The following KIAA1217 variants were observed in gnomAD, a reference collection of about 807,000 sequenced individuals.
The protein encoded by KIAA1217 is KIAA1217.
KIAA1217 carries 88 observed loss-of-function variants against 163.9 expected under a neutral mutation model. The ratio of observed to expected loss-of-function variants is 0.54; its 90% confidence interval spans 0.45 to 0.64. The LOEUF (loss-of-function observed/expected upper bound fraction) is 0.64, where lower values mean the gene tolerates loss of function less well. Among genes scored for constraint, KIAA1217 ranks in the 30% least tolerant of loss-of-function variants. The pLI, the probability that KIAA1217 is intolerant of heterozygous loss-of-function variation, is 0.00. For missense variants in KIAA1217, 2,372 were observed against 2,475.0 expected, an observed-to-expected ratio of 0.96 and a Z score of 0.88; for synonymous variants, 903 against 923.1, an observed-to-expected ratio of 0.98 and a Z score of 0.39.
intron 2 of KIAA1217, among the ~76,000 whole-genome samples, chr10:24,112,372 G>A (rs1009035237): frequency 6.6e-6 from 1 of 152,126 alleles, no homozygotes; most frequent in Non-Finnish European, 1.5e-5. Flanking sequence ...TTTTATTTCT[G>A]TGCGAACAGG....
chr10:24,320,331 T>A (rs149232510), intron 2 of KIAA1217, among the ~76,000 whole-genome samples: 1 of 152,340 alleles, frequency 6.6e-6, no homozygotes, highest in South Asian at 2.1e-4. Flanking sequence ...ATCACAAATA[T>A]AACTTGTGTG....
intron 3 of KIAA1217, among the ~76,000 whole-genome samples, chr10:24,398,441 C>T (rs1564612481): frequency 1.3e-5 from 2 of 152,108 alleles, no homozygotes; most frequent in Admixed American, 6.5e-5. Context: ...TACAGGTCTG[C>T]AGCAATCTCA....
chr10:24,515,968 G>A (rs1324954220), intron 10 of KIAA1217, among the ~76,000 whole-genome samples: 1 of 152,228 alleles, frequency 6.6e-6, no homozygotes, highest in African/African-American at 2.4e-5. Context: ...CTACTCAGGA[G>A]GCTGAAGCAG....
At chr10:23,981,850 A>G (rs1263023442) in intron 1 of KIAA1217, among the ~76,000 whole-genome samples, 1 of 152,000 alleles carries the variant, frequency 6.6e-6, no homozygotes, top group Non-Finnish European at 1.5e-5. Flanking sequence ...TATCAGTAAC[A>G]TTTTCAGCTA....
intron 1 of KIAA1217, among the ~76,000 whole-genome samples, chr10:23,870,470 A>C (rs1376225770): frequency 6.6e-6 from 1 of 152,022 alleles, no homozygotes; most frequent in Non-Finnish European, 1.5e-5. Flanking sequence ...CACCAAACAC[A>C]CACACTTCAA....
At chr10:24,258,979 T>G (rs1396486670) in intron 2 of KIAA1217, among the ~76,000 whole-genome samples, 1 of 151,992 alleles carries the variant, frequency 6.6e-6, no homozygotes, top group African/African-American at 2.4e-5. Flanking sequence ...TCTTTGTCCC[T>G]CAAAGCCCAG....
intron 2 of KIAA1217, among the ~76,000 whole-genome samples, chr10:24,109,828 G>A (rs546073036): frequency 5.3e-5 from 8 of 152,306 alleles, no homozygotes; most frequent in East Asian, 1.9e-4. Context: ...CGATCAAAAC[G>A]GAAATAAAAA....
At position 23,762,006 on chromosome 10, in the gene KIAA1217, G is replaced by T. The variant is rs572120061; in HGVS notation, c.-321+66772G>T. 3.9e-5 allele frequency among the ~76,000 whole-genome samples: 6 copies of T among 152,226 alleles called. No homozygotes were observed. The East Asian group carries it at 9.7e-4, about 25-fold the overall frequency. On this transcript the variant is annotated intron_variant, in intron 1 of 18. Transcript: ENST00000376462. ...TACAAATAAACTAGAACATCTAGAA[G>T]AAATGGATAAATTCCTGGACACATA...
At chr10:24,066,349 A>G (rs577911758) in intron 2 of KIAA1217, among the ~76,000 whole-genome samples, 1 of 152,194 alleles carries the variant, frequency 6.6e-6, no homozygotes, top group South Asian at 2.1e-4. Flanking sequence ...TGGTGACAAA[A>G]TCTCTCAGCA....
intron 2 of KIAA1217, among the ~76,000 whole-genome samples, chr10:24,017,040 G>GTTTTTTTTTTTTTTT (rs35042335): frequency 1.6e-4 from 21 of 130,224 alleles, no homozygotes; most frequent in East Asian, 2.5e-4. Flanking sequence ...TAGTTTTTTT[G>GTTTTTTTTTTTTTTT]TTTTTTTTTT....
chr10:23,797,399 G>T (rs1380263444), intron 1 of KIAA1217, among the ~76,000 whole-genome samples: 1 of 152,114 alleles, frequency 6.6e-6, no homozygotes, highest in African/African-American at 2.4e-5. Context: ...CTTGCTCAAG[G>T]CCACACAGTC....
intron 2 of KIAA1217, among the ~76,000 whole-genome samples, chr10:24,236,271 G>A (rs931067258): frequency 2.0e-5 from 3 of 148,094 alleles, no homozygotes; most frequent in African/African-American, 5.0e-5. Context: ...TCTTTTTTTC[G>A]ACGGCGTTTT....
At chr10:23,970,229 C>T (rs1845258239) in intron 1 of KIAA1217, among the ~76,000 whole-genome samples, 1 of 152,092 alleles carries the variant, frequency 6.6e-6, no homozygotes, top group Non-Finnish European at 1.5e-5. Context: ...AGGTTTACTC[C>T]CAAGTATTCT....
At chr10:24,137,246 G>T (rs2063866880) in intron 2 of KIAA1217, among the ~76,000 whole-genome samples, 1 of 152,206 alleles carries the variant, frequency 6.6e-6, no homozygotes, top group Non-Finnish European at 1.5e-5. Context: ...CACTGCTGTT[G>T]GCAAGACCCA....
intron 1 of KIAA1217, among the ~76,000 whole-genome samples, chr10:23,733,021 G>T (rs1486222322): frequency 6.8e-6 from 1 of 147,822 alleles, no homozygotes; most frequent in South Asian, 2.1e-4. Flanking sequence ...GTATGTTTTT[G>T]TTTTTTTTTT....
chr10:24,298,890 G>A (rs944130442), intron 2 of KIAA1217, among the ~76,000 whole-genome samples: 1 of 152,188 alleles, frequency 6.6e-6, no homozygotes, highest in Non-Finnish European at 1.5e-5. Flanking sequence ...GGGAATTCAT[G>A]TATGGGGCAA....
intron 17 of KIAA1217, among the ~76,000 whole-genome samples, chr10:24,538,570 A>G (rs868119222): frequency 1.3e-3 from 86 of 64,082 alleles, no homozygotes; most frequent in African/African-American, 1.7e-3. Context: ...GGGAGGGAGG[A>G]AGGAAGGAAG....
chr10:23,746,940 C>A (rs913238024), intron 1 of KIAA1217, among the ~76,000 whole-genome samples: 3 of 151,900 alleles, frequency 2.0e-5, no homozygotes, highest in Admixed American at 6.6e-5. Flanking sequence ...ATAGAGATGG[C>A]AAAGGAAGGA....
Position 23,873,581 on chromosome 10 carries a change from G to A in KIAA1217, c.-320-133644G>A, listed in dbSNP as rs1229454336. Reference sequence around the variant, plus strand: ...TTGAGTTTTCCAGGGCCAAGACAAGGCATCATCAGCTCTTCTGTTACTGAT... The same window carrying A: ...TTGAGTTTTCCAGGGCCAAGACAAGACATCATCAGCTCTTCTGTTACTGAT... On this transcript the variant is annotated intron_variant, in intron 1 of 18. Coordinates refer to the KIAA1217 transcript ENST00000376462. Among the ~76,000 whole-genome samples the A allele has an allele frequency of 3.3e-5, 5 of 152,096 alleles. No homozygotes were observed. The East Asian group carries it at 9.7e-4, about 30-fold the overall frequency.
Sources: allele counts gnomAD v4.1 joint callset (sites outside exome capture counted in the v4.1 genomes callset), GRCh38; gene constraint gnomAD v4.1.1; transcripts MANE v1.5; gene names NCBI Gene and HGNC (gene_info 2026-07-23, HGNC 2026-07-21).